Variants in CAMKMT observed in about 807,000 individuals in gnomAD.
The protein encoded by CAMKMT is calmodulin-lysine N-methyltransferase.
Under a neutral mutation model 48.0 loss-of-function variants are expected in CAMKMT, and 53 were observed. That is an observed-to-expected ratio of 1.10 (90% CI 0.89 to 1.39). The LOEUF (loss-of-function observed/expected upper bound fraction) is 1.39. Ranked by LOEUF, CAMKMT falls within the 40% of genes most tolerant of loss-of-function variation. CAMKMT has a pLI of 0.00. For synonymous variants in CAMKMT, 165 were observed against 152.3 expected (o/e 1.08, Z -0.61); for missense variants, 428 against 402.7 (o/e 1.06, Z -0.54).
chr2:44,448,272 A>C (rs1442212560), intron 3 of CAMKMT, among the ~76,000 whole-genome samples: 5 of 152,146 alleles, frequency 3.3e-5, no homozygotes, highest in African/African-American at 9.7e-5. Flanking sequence ...ATCTGCCTTT[A>C]GTTGAAAAAA....
At chr2:44,434,226 A>ATT (rs35979525) in intron 3 of CAMKMT, among the ~76,000 whole-genome samples, 198 of 147,276 alleles carry the variant, frequency 1.3e-3, no homozygotes, top group Middle Eastern at 0.01. Context: ...TTTGTGAGGG[A>ATT]TTTTTTTTTT....
intron 2 of CAMKMT, among the ~76,000 whole-genome samples, chr2:44,380,156 G>T (rs1212146910): frequency 1.3e-5 from 2 of 151,704 alleles, no homozygotes; most frequent in Non-Finnish European, 2.9e-5. Context: ...CCAATGACTC[G>T]TTCCTCAGTC....
intron 3 of CAMKMT, among the ~76,000 whole-genome samples, chr2:44,423,866 G>A (rs924122322): frequency 2.6e-5 from 4 of 152,040 alleles, no homozygotes; most frequent in African/African-American, 7.2e-5. Flanking sequence ...GTAGTCTTCT[G>A]GCAGTTATTT....
intron 3 of CAMKMT, among the ~76,000 whole-genome samples, chr2:44,633,738 A>G (rs1368546632): frequency 6.6e-6 from 1 of 151,638 alleles, no homozygotes; most frequent in Non-Finnish European, 1.5e-5. Flanking sequence ...TTCTGAGTCC[A>G]CTTCTATGGT....
chr2:44,483,902 A>G (rs1669091923), intron 3 of CAMKMT, among the ~76,000 whole-genome samples: 1 of 152,166 alleles, frequency 6.6e-6, no homozygotes, highest in Non-Finnish European at 1.5e-5. Context: ...GTTGTCACAA[A>G]AATATATTTC....
intron 8 of CAMKMT, among the ~76,000 whole-genome samples, chr2:44,747,632 A>G (rs1231342402): frequency 1.3e-5 from 2 of 152,222 alleles, no homozygotes. Context: ...CACATTTCAC[A>G]TTGAAAATTA....
chr2:44,392,814 A>T (rs1681476212), intron 3 of CAMKMT, among the ~76,000 whole-genome samples: 1 of 152,068 alleles, frequency 6.6e-6, no homozygotes, highest in South Asian at 2.1e-4. Flanking sequence ...ATAGAGAGTG[A>T]AAGTTCCATA....
At chr2:44,593,461 T>A (rs1360055585) in intron 3 of CAMKMT, among the ~76,000 whole-genome samples, 1 of 151,984 alleles carries the variant, frequency 6.6e-6, no homozygotes, top group African/African-American at 2.4e-5. Context: ...AGCCACATTG[T>A]TTTTTCCAGA....
intron 4 of CAMKMT, chr2:44,705,475 G>A: frequency 2.0e-6 from 2 of 985,376 alleles, no homozygotes; most frequent in Non-Finnish European, 2.4e-6. Context: ...TCCAATCAGC[G>A]AGCAGTGGGC....
chr2:44,421,135 A>G (rs770865679), intron 3 of CAMKMT, among the ~76,000 whole-genome samples: 7 of 152,172 alleles, frequency 4.6e-5, no homozygotes, highest in Non-Finnish European at 8.8e-5. Context: ...TTTCAAAACC[A>G]TGGAAAATAG....
At chr2:44,696,177 A>G (rs972138074) in intron 3 of CAMKMT, among the ~76,000 whole-genome samples, 1 of 152,130 alleles carries the variant, frequency 6.6e-6, no homozygotes, top group African/African-American at 2.4e-5. Context: ...TCCTGACCTT[A>G]AGTGATCTGC....
intron 7 of CAMKMT, among the ~76,000 whole-genome samples, chr2:44,729,410 C>T (rs1229203556): frequency 6.6e-5 from 10 of 152,096 alleles, no homozygotes; most frequent in Admixed American, 6.6e-4. Context: ...GAAAGGGATA[C>T]TAAGAAGGGA....
At chr2:44,606,169 G>A (rs1429789547) in intron 3 of CAMKMT, among the ~76,000 whole-genome samples, 3 of 152,032 alleles carry the variant, frequency 2.0e-5, no homozygotes, top group Non-Finnish European at 4.4e-5. Flanking sequence ...CCCCAATCTG[G>A]ACTTCTAAAA....
chr2:44,521,434 A>G (rs1671104155), intron 3 of CAMKMT, among the ~76,000 whole-genome samples: 1 of 152,004 alleles, frequency 6.6e-6, no homozygotes, highest in African/African-American at 2.4e-5. Context: ...GTGCACCACC[A>G]CACCTGGCCA....
At chr2:44,645,959 C>CT (rs1210479815) in intron 3 of CAMKMT, among the ~76,000 whole-genome samples, 2 of 152,194 alleles carry the variant, frequency 1.3e-5, no homozygotes, top group African/African-American at 4.8e-5. Context: ...TTGAACTATT[C>CT]TGTTATAAAG....
chr2:44,384,861 C>G (rs549647274), intron 2 of CAMKMT, among the ~76,000 whole-genome samples: 29 of 152,250 alleles, frequency 1.9e-4, no homozygotes, highest in African/African-American at 6.3e-4. Context: ...TATATCAGTA[C>G]CACGCTGTTT....
chr2:44,500,702 T>C (rs1233916334), intron 3 of CAMKMT, among the ~76,000 whole-genome samples: 2 of 149,858 alleles, frequency 1.3e-5, no homozygotes, highest in East Asian at 1.9e-4. Context: ...TTTTTTTTTT[T>C]CTGGAGTCTT....
intron 3 of CAMKMT, among the ~76,000 whole-genome samples, chr2:44,559,294 A>C (rs149532095): frequency 7.9e-5 from 12 of 152,174 alleles, no homozygotes; most frequent in Non-Finnish European, 1.6e-4. Context: ...AGCATCTGTC[A>C]CAGACTTGTG....
At chr2:44,532,766 T>A (rs1256115672) in intron 3 of CAMKMT, among the ~76,000 whole-genome samples, 1 of 152,054 alleles carries the variant, frequency 6.6e-6, no homozygotes, top group African/African-American at 2.4e-5. Flanking sequence ...CTTCATAAGA[T>A]CATGTTAAAC....
Sources: gnomAD v4.1 joint callset for allele counts (sites outside exome capture counted in the v4.1 genomes callset) on GRCh38, gnomAD v4.1.1 for gene constraint, MANE v1.5 for transcripts, NCBI Gene and HGNC (gene_info 2026-07-23, HGNC 2026-07-21) for gene names.